Variants in INTS3 observed in about 807,000 individuals in gnomAD.
The protein encoded by INTS3 is SOSS complex subunit A.
Under a neutral mutation model 146.3 loss-of-function variants are expected in INTS3, and 34 were observed. That is an observed-to-expected ratio of 0.23 (90% CI 0.18 to 0.31). INTS3 has a LOEUF of 0.31. Among genes scored for constraint, INTS3 ranks in the 10% least tolerant of loss-of-function variants. INTS3 has a pLI of 1.00. For synonymous variants in INTS3, 475 were observed against 494.9 expected, an observed-to-expected ratio of 0.96 and a Z score of 0.53; for missense variants, 757 against 1,304.2, an observed-to-expected ratio of 0.58 and a Z score of 6.46.
chr1:153,728,550 C>G lies in INTS3; in HGVS notation c.-85C>G. 7.4e-6 allele frequency: 11 copies of G among 1,478,494 alleles called. No homozygotes were observed. Among genetic ancestry groups the G allele is most frequent in the Non-Finnish European group, 9.9e-6 (11 of 1,110,396 alleles). 91.6% of individuals were successfully genotyped at this position (1,478,494 alleles called of 1,614,324 possible). A position where few individuals can be genotyped will look rare whatever the true frequency, so the allele number is the denominator to read the frequency against. On this transcript the variant is annotated 5_prime_UTR_variant, in exon 1 of 30. Coordinates refer to ENST00000318967, the MANE Select transcript of INTS3 (RefSeq NM_023015.5). ...TCCCCAACTTGTTCCTCTTGCCCCC[C>G]AGTCCCTGGCAATCCAGAGATCCCG...
Position 153,728,582 on chromosome 1 carries a change from A to G in INTS3, c.-53A>G. 1.3e-6 allele frequency: 2 copies of G among 1,554,040 alleles called. No individual in the cohort carries two copies. Among genetic ancestry groups the G allele is most frequent in the Non-Finnish European group, 1.7e-6 (2 of 1,155,490 alleles). On this transcript the variant is annotated 5_prime_UTR_variant, in exon 1 of 30. Coordinates refer to ENST00000318967, the MANE Select transcript of INTS3 (RefSeq NM_023015.5). Reference sequence around the variant, plus strand: ...TGGCAATCCAGAGATCCCGATATCTAGGACTGTCCATCCATCCACTCCCTG... The same window carrying G: ...TGGCAATCCAGAGATCCCGATATCTGGGACTGTCCATCCATCCACTCCCTG...
chr1:153,746,374 C>G (rs955675444), intron 3 of INTS3, among the ~76,000 whole-genome samples: 1 of 152,210 alleles, frequency 6.6e-6, no homozygotes, highest in Admixed American at 6.5e-5. Context: ...GTACTAGGAG[C>G]CTTGCCCAGC....
intron 1 of INTS3, among the ~76,000 whole-genome samples, chr1:153,737,705 G>A (rs1671355656): frequency 6.6e-6 from 1 of 152,110 alleles, no homozygotes; most frequent in South Asian, 2.1e-4. Flanking sequence ...TGCCATGTTG[G>A]CCAGGCTGGT....
chr1:153,745,676 G>C (rs532966676), intron 3 of INTS3, among the ~76,000 whole-genome samples: 5 of 152,028 alleles, frequency 3.3e-5, no homozygotes, highest in South Asian at 4.2e-4. Flanking sequence ...AAAAACTAAG[G>C]GGGGAAGGGA....
intron 9 of INTS3, among the ~76,000 whole-genome samples, chr1:153,756,981 C>T (rs1248077143): frequency 6.6e-6 from 1 of 152,032 alleles, no homozygotes; most frequent in African/African-American, 2.4e-5. Context: ...TTGATTTCTT[C>T]TGACAGTTGG....
intron 3 of INTS3, among the ~76,000 whole-genome samples, chr1:153,745,302 A>G (rs1671686337): frequency 6.6e-6 from 1 of 151,724 alleles, no homozygotes; most frequent in Non-Finnish European, 1.5e-5. Flanking sequence ...GACTACAGGC[A>G]CGTGCCACCA....
At chr1:153,747,199 C>T (rs1412982954) in intron 4 of INTS3, 80 bp from the exon 5 acceptor site, 1 of 1,359,532 alleles carries the variant, frequency 7.4e-7, no homozygotes, top group Non-Finnish European at 1.1e-6. Context: ...GTAATGTGCT[C>T]CTTTCAGTTG....
In INTS3 at chr1:153,763,904, C is replaced by T. The variant is rs200065863; in HGVS notation, c.1821+18C>T. ...TCCTGGAGGTGAGGAGGAACCCAATCCCTTAGGGAGGAAGCAGCCTAGCCT... is the reference window on the plus strand; with the variant it reads ...TCCTGGAGGTGAGGAGGAACCCAATTCCTTAGGGAGGAAGCAGCCTAGCCT... On this transcript the variant is annotated intron_variant, in intron 17 of 29. Coordinates refer to ENST00000318967, the MANE Select transcript of INTS3 (RefSeq NM_023015.5). 115 of 1,611,224 alleles carry T rather than the reference C, an allele frequency of 7.1e-5. 1 individual carries two copies. In the East Asian group the frequency reaches 2.4e-3, roughly 33 times the overall value.
At chr1:153,766,247 G>A (rs1157709713) in intron 20 of INTS3, among the ~76,000 whole-genome samples, 18 of 148,550 alleles carry the variant, frequency 1.2e-4, no homozygotes, top group Admixed American at 3.4e-4. Flanking sequence ...TCAGCCTCCC[G>A]AGTAGCTGGG....
intron 5 of INTS3, chr1:153,747,644 ATT>A (rs1422356528): frequency 2.1e-6 from 1 of 470,084 alleles, no homozygotes; most frequent in African/African-American, 1.9e-5. Flanking sequence ...TCACTCTGAG[ATT>A]TTATAGCATT....
chr1:153,743,542 AG>A (rs1187664929), intron 3 of INTS3, among the ~76,000 whole-genome samples: 1 of 152,220 alleles, frequency 6.6e-6, no homozygotes, highest in Non-Finnish European at 1.5e-5. Flanking sequence ...TCAGTTAAGG[AG>A]AAAGCAGGTC....
rs201330714 is a variant in INTS3 at position 153,772,049 on chromosome 1, G to GTGA, written c.2720+89_2720+91dup. 7.8e-7 allele frequency: 1 copy of GTGA among 1,284,314 alleles called. No homozygotes were observed. The highest frequency in any genetic ancestry group is 1.1e-6 in the Non-Finnish European group (1 of 932,832). 79.6% of individuals were successfully genotyped at this position (1,284,314 alleles called of 1,614,324 possible). On this transcript the variant is annotated intron_variant, in intron 26 of 29. Coordinates refer to ENST00000318967, the MANE Select transcript of INTS3 (RefSeq NM_023015.5). The surrounding 1 kb of genome is among the most constrained non-coding windows in gnomAD (Gnocchi z 4.6). ...GGTGGTGGTGGTGGTGGTGGTGGTG[G>GTGA]TGATGGGGGTCAGTGCTGTCCCAGC...
chr1:153,770,317 T>C lies in INTS3; in HGVS notation c.2503+6T>C. On this transcript the variant is annotated splice_donor_region_variant and intron_variant, in intron 24 of 29. Transcript: ENST00000318967. ...GCAGCACCTCAAATACAAGGGTGAGTAGGCTTTTGGGTAGGGAGCACATCA... is the reference window on the plus strand; with the variant it reads ...GCAGCACCTCAAATACAAGGGTGAGCAGGCTTTTGGGTAGGGAGCACATCA... 1 of 1,546,170 alleles carries C rather than the reference T, an allele frequency of 6.5e-7. No individual in the cohort carries two copies. Among genetic ancestry groups the C allele is most frequent in the Non-Finnish European group, 8.9e-7 (1 of 1,118,306 alleles).
In INTS3 at chr1:153,773,204, C is replaced by G. The variant is rs980706559; in HGVS notation, c.3063C>G (p.Asp1021Glu). The G allele has an allele frequency of 1.2e-6, 2 of 1,613,908 alleles. No homozygotes were observed. The highest frequency in any genetic ancestry group is 1.7e-6 in the Non-Finnish European group (2 of 1,180,016). ...SGSSSASEEE[D>E]TKPKPTKRKR... ...CCCATCTCTTCCAGGAAGAGGAAGA[C>G]ACGAAACCGAAGCCTACCAAGCGGA... is the stretch of plus-strand genomic sequence containing the variant. Residue 1021 changes from aspartate (D) to glutamate (E), a missense_variant, in exon 30 of 30, where the codon GAC becomes GAG. By Grantham distance (45) the Asp-to-Glu change is conservative. Coordinates refer to ENST00000318967, the MANE Select transcript of INTS3 (RefSeq NM_023015.5).
chr1:153,732,688 TC>T (rs1671122578), intron 1 of INTS3, among the ~76,000 whole-genome samples: 1 of 152,122 alleles, frequency 6.6e-6, no homozygotes. Context: ...ACTCAGGTGA[TC>T]CACCTGCCTC....
At chr1:153,731,501 G>T (rs557510300) in intron 1 of INTS3, among the ~76,000 whole-genome samples, 1 of 151,918 alleles carries the variant, frequency 6.6e-6, no homozygotes, top group African/African-American at 2.4e-5. Context: ...AGCCTTGGTA[G>T]CTCCTGGTTT....
rs570780334 is a variant in INTS3, at chr1:153,771,541, G to T, written c.2553-255G>T. 5.3e-5 allele frequency among the ~76,000 whole-genome samples: 8 copies of T among 152,216 alleles called. 1 individual carries two copies. Among genetic ancestry groups the T allele is most frequent in the Middle Eastern group, 3.4e-3 (1 of 294 alleles). ...TGACTGTTCTAGGGGAGGAGGAGGA[G>T]AACTGAGGGTCCTCCTTCCCAACAC... is the stretch of plus-strand genomic sequence containing the variant. On this transcript the variant is annotated intron_variant, in intron 25 of 29. Coordinates refer to ENST00000318967, the MANE Select transcript of INTS3 (RefSeq NM_023015.5).
Position 153,773,571 on chromosome 1 carries a change from GC to G in INTS3, c.*305del, listed in dbSNP as rs1672999319. The G allele has an allele frequency of 6.1e-6, 3 of 488,338 alleles. No homozygotes were observed. The highest frequency in any genetic ancestry group is 3.4e-5 in the South Asian group (1 of 29,050). The allele number at this position is 488,338 out of a possible 1,614,324, so 30.3% of individuals were successfully genotyped here. ...CATAGTGGAAGTCCTCAGCCCCCTG[GC>G]CCCTTCCGCAATCTCCTCCCCCAGT... On this transcript the variant is annotated 3_prime_UTR_variant, in exon 30 of 30. Coordinates refer to ENST00000318967, the MANE Select transcript of INTS3 (RefSeq NM_023015.5).
intron 1 of INTS3, among the ~76,000 whole-genome samples, chr1:153,732,889 C>T (rs924733961): frequency 6.6e-6 from 1 of 151,304 alleles, no homozygotes; most frequent in Non-Finnish European, 1.5e-5. Flanking sequence ...CTGCAACCTG[C>T]ACTTCCCAGA....
Sources: allele counts gnomAD v4.1 joint callset (sites outside exome capture counted in the v4.1 genomes callset), GRCh38; gene constraint gnomAD v4.1.1; non-coding constraint Gnocchi (gnomAD v3.1); transcripts MANE v1.5; gene names NCBI Gene and HGNC (gene_info 2026-07-23, HGNC 2026-07-21).